HS2ST1: variants seen among roughly 807,000 people sequenced by gnomAD.
HS2ST1 encodes the protein heparan sulfate 2-O-sulfotransferase 1.
In HS2ST1, 18 loss-of-function variants were observed where a neutral mutation model predicts 42.9. The ratio of observed to expected loss-of-function variants is 0.42; its 90% CI spans 0.29 to 0.62. The LOEUF is 0.62. Ranked by LOEUF, HS2ST1 falls within the 20% of genes least tolerant of loss-of-function variation. HS2ST1 has a pLI of 0.21. For synonymous variants in HS2ST1, 146 were observed against 152.9 expected (o/e 0.95, Z 0.33); for missense variants, 334 against 433.8 (o/e 0.77, Z 2.04).
intron 1 of HS2ST1, among the ~76,000 whole-genome samples, chr1:87,017,168 A>G (rs1250115527): frequency 6.6e-6 from 1 of 151,474 alleles, no homozygotes; most frequent in Non-Finnish European, 1.5e-5. Flanking sequence ...ACGGAATCTC[A>G]CTCTGTCACC....
At chr1:86,939,164 T>A (rs1393360685) in intron 1 of HS2ST1, among the ~76,000 whole-genome samples, 1 of 152,244 alleles carries the variant, frequency 6.6e-6, no homozygotes, top group African/African-American at 2.4e-5. Flanking sequence ...ATCATTATTG[T>A]TTGGACTTTT....
intron 1 of HS2ST1, among the ~76,000 whole-genome samples, chr1:86,965,766 TATC>T (rs1220091289): frequency 3.3e-5 from 5 of 152,186 alleles, no homozygotes; most frequent in Non-Finnish European, 7.3e-5. Flanking sequence ...CATTTTTAGA[TATC>T]ATAATGGATT....
At position 87,105,958 on chromosome 1, in the gene HS2ST1, A is replaced by T. The variant is rs572154260; in HGVS notation, c.*1262A>T. The T allele has an allele frequency of 6.5e-6, 1 of 153,126 alleles. No individual in the cohort carries two copies. Among genetic ancestry groups the T allele is most frequent in the South Asian group, 2.1e-4 (1 of 4,830 alleles). The allele number at this position is 153,126 out of a possible 1,614,324, so 9.5% of individuals were successfully genotyped here. A position where few individuals can be genotyped will look rare whatever the true frequency, so the allele number is the denominator to read the frequency against. The stretch of plus-strand genomic sequence containing the variant: ...CTGTGTGATCTTGGGCAAGTCACTT[A>T]ACCTCTCTTTGCCTCAATTTCCTCA... On this transcript the variant is annotated 3_prime_UTR_variant, in exon 7 of 7. Coordinates refer to ENST00000370550, the MANE Select transcript of HS2ST1 (RefSeq NM_012262.4).
chr1:86,959,189 G>T (rs1358465087), intron 1 of HS2ST1, among the ~76,000 whole-genome samples: 4 of 152,150 alleles, frequency 2.6e-5, no homozygotes, highest in African/African-American at 9.7e-5. Flanking sequence ...AGGCAAATAT[G>T]TCCCCTCTCA....
At chr1:87,021,950 A>G (rs1649964759) in intron 1 of HS2ST1, among the ~76,000 whole-genome samples, 2 of 152,236 alleles carry the variant, frequency 1.3e-5, no homozygotes, top group South Asian at 4.1e-4. Flanking sequence ...TGTAGTTTGC[A>G]AGATCACAGA....
At chr1:86,924,400 C>T (rs571190052) in intron 1 of HS2ST1, among the ~76,000 whole-genome samples, 6 of 152,316 alleles carry the variant, frequency 3.9e-5, no homozygotes, top group South Asian at 4.1e-4. Flanking sequence ...CTTCTCACAG[C>T]GCCACTAGGT....
At chr1:86,964,156 T>TGGCGGCCGGGAA (rs1553133347) in intron 1 of HS2ST1, among the ~76,000 whole-genome samples, 1 of 146,916 alleles carries the variant, frequency 6.8e-6, no homozygotes, top group Non-Finnish European at 1.5e-5. Flanking sequence ...CTAGACGGGA[T>TGGCGGCCGGGAA]GGCGGCCGGG....
At chr1:87,095,863 G>T (rs1054302430) in intron 4 of HS2ST1, among the ~76,000 whole-genome samples, 7 of 151,394 alleles carry the variant, frequency 4.6e-5, no homozygotes, top group Non-Finnish European at 1.0e-4. Context: ...ATATTTTAAT[G>T]CACATAACTA....
chr1:86,934,570 C>G (rs1478806662), intron 1 of HS2ST1: 1 of 152,382 alleles, frequency 6.6e-6, no homozygotes, highest in Non-Finnish European at 1.5e-5. Context: ...AGTCACATCT[C>G]TCTCCAGTTT....
intron 1 of HS2ST1, among the ~76,000 whole-genome samples, chr1:86,944,352 A>G (rs186015037): frequency 1.5e-4 from 23 of 151,996 alleles, no homozygotes; most frequent in Middle Eastern, 3.4e-3. Flanking sequence ...AAAAATTGAC[A>G]TGTTTTTCTT....
intron 4 of HS2ST1, among the ~76,000 whole-genome samples, chr1:87,096,479 G>C (rs925598824): frequency 2.0e-5 from 3 of 152,172 alleles, no homozygotes; most frequent in African/African-American, 7.2e-5. Flanking sequence ...TTGGGAGACT[G>C]TCAAGCTTAT....
intron 1 of HS2ST1, chr1:87,046,467 C>T (rs1305823912): frequency 9.4e-7 from 1 of 1,065,538 alleles, no homozygotes; most frequent in East Asian, 2.4e-5. Context: ...AAACGTATTT[C>T]CACTAAGGAA....
rs192273005 is a variant in HS2ST1 at position 87,028,787 on chromosome 1, C to T, written c.125-44147C>T. ...TTACAGGAAATGACTAGTGTAAAAA[C>T]GGAAAAGCTGATATTTTTGAAATTT... On this transcript the variant is annotated intron_variant, in intron 1 of 6. Coordinates refer to ENST00000370550, the MANE Select transcript of HS2ST1 (RefSeq NM_012262.4). 3.5e-3 allele frequency among the ~76,000 whole-genome samples: 540 copies of T among 152,184 alleles called. 1 individual carries two copies. The highest frequency in any genetic ancestry group is 5.6e-3 in the Non-Finnish European group (378 of 67,994).
chr1:86,945,834 C>T (rs1472362117), intron 1 of HS2ST1, among the ~76,000 whole-genome samples: 5 of 152,174 alleles, frequency 3.3e-5, no homozygotes, highest in African/African-American at 4.8e-5. Context: ...TTTGGAAGGG[C>T]GAGGCAGGTG....
chr1:87,090,642 G>A (rs984296417), intron 3 of HS2ST1, among the ~76,000 whole-genome samples: 5 of 151,958 alleles, frequency 3.3e-5, no homozygotes, highest in Admixed American at 2.0e-4. Context: ...CTTTTAATAT[G>A]AGTTGTGTCA....
At chr1:87,078,593 G>A (rs1651605568) in intron 2 of HS2ST1, among the ~76,000 whole-genome samples, 1 of 152,138 alleles carries the variant, frequency 6.6e-6, no homozygotes, top group Non-Finnish European at 1.5e-5. Flanking sequence ...TTCTCCCCAA[G>A]CCAGAGTTTT....
chr1:87,090,383 CTG>C (rs1054853174), intron 3 of HS2ST1, among the ~76,000 whole-genome samples: 5 of 151,948 alleles, frequency 3.3e-5, no homozygotes, highest in Admixed American at 2.0e-4. Context: ...TTAAAAAAAA[CTG>C]TGAAAGAAAA....
At chr1:86,924,634 G>C (rs1226135421) in intron 1 of HS2ST1, among the ~76,000 whole-genome samples, 2 of 152,208 alleles carry the variant, frequency 1.3e-5, no homozygotes, top group African/African-American at 4.8e-5. Context: ...GCCAAGGCTT[G>C]GGGATTGCAC....
intron 1 of HS2ST1, among the ~76,000 whole-genome samples, chr1:86,993,792 T>G (rs1462207154): frequency 6.6e-6 from 1 of 152,154 alleles, no homozygotes; most frequent in Non-Finnish European, 1.5e-5. Flanking sequence ...GCTTAAATAG[T>G]ATCTTAACAA....
Sources: allele counts gnomAD v4.1 joint callset (sites outside exome capture counted in the v4.1 genomes callset), GRCh38; gene constraint gnomAD v4.1.1; transcripts MANE v1.5; gene names NCBI Gene and HGNC (gene_info 2026-07-23, HGNC 2026-07-21).